Variants in MERTK observed in about 807,000 individuals in gnomAD.
MERTK encodes the protein MER proto-oncogene, tyrosine kinase.
A neutral mutation model predicts 99.3 loss-of-function variants in MERTK; 69 were observed. The observed-to-expected ratio is 0.70, with a 90% CI of 0.57 to 0.85. The LOEUF is 0.85. Ranked by LOEUF, MERTK falls within the 40% of genes least tolerant of loss-of-function variation. The probability of loss-of-function intolerance (pLI) is 0.00; values close to 1 mark genes in which losing one functional copy is unlikely to be tolerated. For missense variants in MERTK, 1,125 were observed against 1,249.4 expected (o/e 0.90, Z 1.50); for synonymous variants, 426 against 467.6 (o/e 0.91, Z 1.15).
intron 4 of MERTK, among the ~76,000 whole-genome samples, chr2:111,953,825 T>G (rs1413829288): frequency 6.6e-6 from 1 of 152,216 alleles, no homozygotes; most frequent in Non-Finnish European, 1.5e-5. Context: ...TCCACCCACC[T>G]TGGCCTCCCA....
In MERTK at chr2:111,965,233, A is replaced by G. The variant is rs1409773100; in HGVS notation, c.800A>G (p.Asp267Gly). Residue 267 changes from aspartate to glycine, a missense_variant, in exon 5 of 19, where the codon GAC becomes GGC. Asp to Gly is a moderately conservative substitution (Grantham distance 94). Transcript: ENST00000295408. ...MAVFSCEAHN[D>G]KGLTVSKGVQ... ...GTCTTCAGTTGTGAGGCCCACAATG[A>G]CAAAGGGCTGACCGTGTCCAAGGGA... 6 of 1,614,198 alleles carry G rather than the reference A, an allele frequency of 3.7e-6. 1 individual carries two copies. The Admixed American group carries it at 1.0e-4, about 27-fold the overall frequency.
chr2:111,921,120 A>C (rs752727247), intron 1 of MERTK, among the ~76,000 whole-genome samples: 3 of 152,088 alleles, frequency 2.0e-5, no homozygotes, highest in Non-Finnish European at 4.4e-5. Flanking sequence ...CATGATTCAA[A>C]TATCAGCCTG....
chr2:112,010,150 A>T, intron 15 of MERTK, 84 bp downstream of exon 15: 1 of 1,056,944 alleles, frequency 9.5e-7, no homozygotes, highest in Middle Eastern at 2.0e-4. Flanking sequence ...TAATCTTGAA[A>T]GTGAAGCCAG....
At chr2:112,014,499 G>A (rs1285009796) in intron 15 of MERTK, among the ~76,000 whole-genome samples, 2 of 151,890 alleles carry the variant, frequency 1.3e-5, no homozygotes, top group East Asian at 3.9e-4. Flanking sequence ...ATTTCTTGGG[G>A]GTGTGGAAAT....
At chr2:111,912,514 C>A (rs1030346627) in intron 1 of MERTK, among the ~76,000 whole-genome samples, 1 of 152,078 alleles carries the variant, frequency 6.6e-6, no homozygotes, top group African/African-American at 2.4e-5. Context: ...TACATGTCTC[C>A]CTATGGACAT....
At chr2:111,920,814 C>G (rs914192181) in intron 1 of MERTK, among the ~76,000 whole-genome samples, 2 of 152,076 alleles carry the variant, frequency 1.3e-5, no homozygotes, top group Non-Finnish European at 2.9e-5. Flanking sequence ...GCCACCAGGC[C>G]TGGCTACTTT....
chr2:111,981,738 TACACACACACAC>T (rs397873336), intron 7 of MERTK, among the ~76,000 whole-genome samples: 1 of 25,016 alleles, frequency 4.0e-5, no homozygotes. Context: ...TACACTCGTG[TACACACACACAC>T]ACACACACAC....
chr2:112,013,841 T>G (rs2104416649), intron 15 of MERTK, among the ~76,000 whole-genome samples: 1 of 150,468 alleles, frequency 6.6e-6, no homozygotes, highest in East Asian at 2.0e-4. Context: ...TTATGGTACG[T>G]TGTATAATTT....
intron 1 of MERTK, among the ~76,000 whole-genome samples, chr2:111,921,131 G>C (rs1163426425): frequency 6.6e-6 from 1 of 152,270 alleles, no homozygotes; most frequent in East Asian, 1.9e-4. Flanking sequence ...TATCAGCCTG[G>C]TGTGTGCACA....
chr2:111,930,278 T>G (rs934419548), intron 2 of MERTK: 1 of 152,248 alleles, frequency 6.6e-6, no homozygotes, highest in South Asian at 2.1e-4. Flanking sequence ...CAATTGGGTA[T>G]CTGCATCAAT....
chr2:111,966,812 T>C (rs1685366247), intron 5 of MERTK, among the ~76,000 whole-genome samples: 1 of 152,192 alleles, frequency 6.6e-6, no homozygotes, highest in Non-Finnish European at 1.5e-5. Flanking sequence ...CAAGGCTTTG[T>C]GTGTACTAAT....
chr2:111,920,521 G>A (rs1404320544), intron 1 of MERTK, among the ~76,000 whole-genome samples: 2 of 151,302 alleles, frequency 1.3e-5, no homozygotes, highest in Non-Finnish European at 2.9e-5. Flanking sequence ...TTGCAATTTA[G>A]GACTGATCCA....
At chr2:111,916,913 C>T (rs1349505695) in intron 1 of MERTK, among the ~76,000 whole-genome samples, 1 of 152,134 alleles carries the variant, frequency 6.6e-6, no homozygotes, top group Non-Finnish European at 1.5e-5. Flanking sequence ...CCTCCATTGA[C>T]ATCTGAGTGT....
Position 111,929,492 on chromosome 2 carries a change from C to T in MERTK, c.434C>T (p.Thr145Ile). The change falls in exon 2 of 19, where the codon ACA (threonine) becomes ATA (isoleucine). Residue 145 changes from threonine to isoleucine, a missense_variant. Thr to Ile is a moderately conservative substitution (Grantham distance 89). Coordinates refer to ENST00000295408, the MANE Select transcript of MERTK (RefSeq NM_006343.3). The stretch of plus-strand genomic sequence containing the variant: ...TTGCTTGGGGCACATCATGCAATTA[C>T]ACAGTTTTATCCAGATGATGAAGTT... ...KELLGAHHAI[T>I]QFYPDDEVTA... 6.2e-7 allele frequency: 1 copy of T among 1,614,096 alleles called. No homozygotes were observed. Among genetic ancestry groups the T allele is most frequent in the Non-Finnish European group, 8.5e-7 (1 of 1,180,000 alleles).
chr2:111,994,701 C>T, intron 9 of MERTK: 1 of 417,196 alleles, frequency 2.4e-6, no homozygotes, highest in Non-Finnish European at 4.6e-6. Flanking sequence ...AGTGCTTGAA[C>T]CCAGGAGGCA....
intron 12 of MERTK, 108 bp from the exon 13 acceptor site, chr2:112,003,796 G>T: frequency 9.9e-7 from 1 of 1,011,938 alleles, no homozygotes; most frequent in Non-Finnish European, 1.6e-6. Flanking sequence ...CTGCCCGTGG[G>T]TGAGTTGCTC....
At position 111,964,398 on chromosome 2, in the gene MERTK, T is replaced by C. The variant is rs1041602564; in HGVS notation, c.758-793T>C. On this transcript the variant is annotated intron_variant, in intron 4 of 18. Transcript: ENST00000295408. The stretch of plus-strand genomic sequence containing the variant: ...GTGTGTGTGTGTGTGTGTGTGTGTG[T>C]GCGCGCGCGCACGCGCATGTGTGTG... Among the ~76,000 whole-genome samples, 526 of 81,136 alleles carry C rather than the reference T, an allele frequency of 6.5e-3. 3 individuals are homozygous for C. The highest frequency in any genetic ancestry group is 0.021 in the African/African-American group (462 of 21,978). 53.2% of individuals were successfully genotyped at this position (81,136 alleles called of 152,430 possible). A position where few individuals can be genotyped will look rare whatever the true frequency, so the allele number is the denominator to read the frequency against.
chr2:112,005,440 G>A (rs1023415135), intron 13 of MERTK, among the ~76,000 whole-genome samples: 3 of 152,098 alleles, frequency 2.0e-5, no homozygotes, highest in Admixed American at 1.3e-4. Flanking sequence ...CTAGAAAGGG[G>A]GCAGGTTGTG....
chr2:111,984,298 AAAT>A (rs1676428589), intron 8 of MERTK, among the ~76,000 whole-genome samples: 1 of 152,180 alleles, frequency 6.6e-6, no homozygotes, highest in African/African-American at 2.4e-5. Context: ...CCCCTGTTTC[AAAT>A]AATAATCTCA....
Sources: gnomAD v4.1 joint callset for allele counts (sites outside exome capture counted in the v4.1 genomes callset) on GRCh38, gnomAD v4.1.1 for gene constraint, MANE v1.5 for transcripts, NCBI Gene and HGNC (gene_info 2026-07-23, HGNC 2026-07-21) for gene names.